The following PTPRQ variants were observed in gnomAD, a reference collection of about 807,000 sequenced individuals.
PTPRQ encodes the protein phosphatidylinositol phosphatase PTPRQ.
PTPRQ carries 199 observed loss-of-function variants against 246.0 expected under a neutral mutation model. The ratio of observed to expected loss-of-function variants is 0.81; its 90% CI spans 0.72 to 0.91. The LOEUF is 0.91. Ranked by LOEUF, PTPRQ falls within the 40% of genes least tolerant of loss-of-function variation. The pLI is 0.00. For synonymous variants in PTPRQ, 869 were observed against 853.2 expected, an observed-to-expected ratio of 1.02 and a Z score of -0.32; for missense variants, 2,624 against 2,528.4, an observed-to-expected ratio of 1.04 and a Z score of -0.81.
At chr12:80,532,352 G>T (rs1895869070) in intron 17 of PTPRQ, among the ~76,000 whole-genome samples, 1 of 151,892 alleles carries the variant, frequency 6.6e-6, no homozygotes, top group African/African-American at 2.4e-5. Flanking sequence ...CCTCCTGAAA[G>T]CTGGGACCAC....
At chr12:80,585,883 C>T (rs1256756829) in intron 25 of PTPRQ, among the ~76,000 whole-genome samples, 4 of 111,328 alleles carry the variant, frequency 3.6e-5, no homozygotes. Context: ...TCCCTCCCCC[C>T]TCCCCCCACC....
intron 35 of PTPRQ, among the ~76,000 whole-genome samples, chr12:80,637,421 T>G (rs956067097): frequency 1.3e-5 from 2 of 152,248 alleles, no homozygotes; most frequent in Non-Finnish European, 2.9e-5. Context: ...TTTCAGATAA[T>G]TTTTATTTTG....
rs1016026685 is a variant in PTPRQ, at chr12:80,495,004, C to G, written c.1612C>G (p.Pro538Ala). 1.2e-5 allele frequency: 19 copies of G among 1,550,400 alleles called. No homozygotes were observed. Among genetic ancestry groups the G allele is most frequent in the South Asian group, 2.4e-5 (2 of 84,034 alleles). Residue 538 changes from proline to alanine, a missense_variant, in exon 11 of 45, where the codon CCT becomes GCT. Transcript: ENST00000644991. ...QLSYVIRRLV[P>A]FTEHMISVSA... ...GTCTTATGTTATCAGGAGACTTGTA[C>G]CTTTCACTGAGCACATGATTAGTGT...
intron 25 of PTPRQ, among the ~76,000 whole-genome samples, chr12:80,573,847 A>G (rs909861676): frequency 6.6e-6 from 1 of 152,038 alleles, no homozygotes; most frequent in African/African-American, 2.4e-5. Flanking sequence ...CATTACATCG[A>G]TTTCTGATCA....
In PTPRQ at chr12:80,533,905, T is replaced by C; in HGVS notation, c.2679-110T>C. The C allele has an allele frequency of 3.9e-6, 3 of 771,464 alleles. No homozygotes were observed. In the South Asian group the frequency reaches 1.3e-4, roughly 35 times the overall value. 47.8% of individuals were successfully genotyped at this position (771,464 alleles called of 1,614,324 possible). ...AACCAACATCTTTTTTCTATTAATC[T>C]AGAATAAATTTCCATATATTAATGT... is the stretch of plus-strand genomic sequence containing the variant. On this transcript the variant is annotated intron_variant, in intron 17 of 44. Transcript: ENST00000644991.
At chr12:80,535,069 T>G (rs1182647974) in intron 19 of PTPRQ, 32 bp downstream of exon 19, 14 of 1,470,584 alleles carry the variant, frequency 9.5e-6, no homozygotes, top group Admixed American at 3.0e-5. Flanking sequence ...AGTTCTTTAT[T>G]AACATCCTTA....
chr12:80,459,889 C>T (rs1893098854), intron 5 of PTPRQ, among the ~76,000 whole-genome samples: 1 of 151,950 alleles, frequency 6.6e-6, no homozygotes, highest in African/African-American at 2.4e-5. Flanking sequence ...TATTTTACTT[C>T]CATATGACAG....
At chr12:80,477,825 C>A (rs1406118758) in intron 8 of PTPRQ, among the ~76,000 whole-genome samples, 1 of 152,178 alleles carries the variant, frequency 6.6e-6, no homozygotes, top group African/African-American at 2.4e-5. Context: ...TTCTGACGGG[C>A]TTAAAAAACG....
intron 39 of PTPRQ, among the ~76,000 whole-genome samples, chr12:80,664,657 T>A (rs1157999908): frequency 6.6e-6 from 1 of 152,060 alleles, no homozygotes; most frequent in Non-Finnish European, 1.5e-5. Context: ...CAACACTTAC[T>A]ATCTTCAATT....
intron 25 of PTPRQ, among the ~76,000 whole-genome samples, chr12:80,558,148 CTTTTCTT>C: frequency 9.5e-6 from 1 of 105,764 alleles, no homozygotes; most frequent in Non-Finnish European, 1.8e-5. Flanking sequence ...CTTTTCTTTT[CTTTTCTT>C]TTCTTTTCTT....
chr12:80,560,715 A>T (rs1896797910), intron 25 of PTPRQ, among the ~76,000 whole-genome samples: 1 of 152,192 alleles, frequency 6.6e-6, no homozygotes, highest in Admixed American at 6.5e-5. Flanking sequence ...GAAACTGTTC[A>T]TTTGTTGACA....
intron 36 of PTPRQ, 91 bp downstream of exon 36, chr12:80,649,014 G>C (rs1900168075): frequency 1.6e-6 from 2 of 1,269,678 alleles, no homozygotes; most frequent in Non-Finnish European, 2.1e-6. Context: ...TTCACTTTTT[G>C]TATGTTTGTT....
rs183711927 is a variant in PTPRQ at position 80,628,254 on chromosome 12, T to G, written c.5687-3938T>G. Reference sequence around the variant, plus strand: ...GTGATACATGCTGCTTTCTCATTTTTTAAATTTAGCAGGAGATTCTAGCAG... The same window carrying G: ...GTGATACATGCTGCTTTCTCATTTTGTAAATTTAGCAGGAGATTCTAGCAG... On this transcript the variant is annotated intron_variant, in intron 33 of 44. Transcript: ENST00000644991. Among the ~76,000 whole-genome samples, 242 of 152,244 alleles carry G rather than the reference T, an allele frequency of 1.6e-3. 1 individual carries two copies. The highest frequency in any genetic ancestry group is 5.6e-3 in the African/African-American group (233 of 41,558).
chr12:80,514,583 T>TTATATAATA (rs1491555484), intron 17 of PTPRQ, among the ~76,000 whole-genome samples: 2 of 141,186 alleles, frequency 1.4e-5, no homozygotes, highest in African/African-American at 5.2e-5. Context: ...AATATATATA[T>TTATATAATA]TATATAATAT....
Position 80,549,542 on chromosome 12 carries a change from AAG to A in PTPRQ, c.4094_4095del (p.Lys1365SerfsTer13). 6.4e-7 allele frequency: 1 copy of A among 1,551,184 alleles called. No homozygotes were observed. The highest frequency in any genetic ancestry group is 8.7e-7 in the Non-Finnish European group (1 of 1,146,566). ...SVLVKWDPPKKANGIITQYMV... is the reference protein window; with the variant it reads ...SVLVKWDPPKXANGIITQYMV... Reference sequence around the variant, plus strand: ...TTTAGTGAAATGGGATCCACCCAAAAAGGCAAATGGAATAATAACGCAGTATA... The same window carrying A: ...TTTAGTGAAATGGGATCCACCCAAAAGCAAATGGAATAATAACGCAGTATA... On this transcript the variant is annotated frameshift_variant, in exon 25 of 45. Coordinates refer to ENST00000644991, the MANE Select transcript of PTPRQ (RefSeq NM_001145026.2). LOFTEE classifies it high-confidence loss of function.
rs976146687 is a variant in PTPRQ at position 80,620,377 on chromosome 12, G to T, written c.5612+1G>T. ...CACTGAAACCAAAAAAGCAATACTT[G>T]TAAGTATAGGTTATATCTACCATGC... On this transcript the variant is annotated splice_donor_variant, in intron 32 of 44. Coordinates refer to ENST00000644991, the MANE Select transcript of PTPRQ (RefSeq NM_001145026.2). LOFTEE classifies it high-confidence loss of function. 6.5e-7 allele frequency: 1 copy of T among 1,548,646 alleles called. No homozygotes were observed. The highest frequency in any genetic ancestry group is 1.4e-5 in the African/African-American group (1 of 72,906).
chr12:80,523,138 G>A (rs1197591239), intron 17 of PTPRQ, among the ~76,000 whole-genome samples: 14 of 151,952 alleles, frequency 9.2e-5, no homozygotes, highest in African/African-American at 3.4e-4. Flanking sequence ...TAGATTTTCT[G>A]GTTTATTTGC....
rs1287120526 is a variant in PTPRQ at position 80,678,657 on chromosome 12, G to A, written c.6794G>A (p.Ser2265Asn). ...CTGGATCTCTTATCAAATAAGGGAAGTAATCAGCCCATCTGTTTTGTTAAC... is the reference window on the plus strand; with the variant it reads ...CTGGATCTCTTATCAAATAAGGGAAATAATCAGCCCATCTGTTTTGTTAAC... ...CILDLLSNKG[S>N]NQPICFVNYS... Residue 2265 changes from serine to asparagine, a missense_variant, in exon 44 of 45, where the codon AGT becomes AAT. Physicochemically the swap from Ser to Asn is conservative, Grantham distance 46. Transcript: ENST00000644991. 15 of 1,550,342 alleles carry A rather than the reference G, an allele frequency of 9.7e-6. No homozygotes were observed. The highest frequency in any genetic ancestry group is 1.1e-5 in the Non-Finnish European group (13 of 1,146,236).
intron 7 of PTPRQ, among the ~76,000 whole-genome samples, chr12:80,469,594 TAC>T (rs141826413): frequency 0.091 from 13,923 of 152,194 alleles, 1,306 homozygotes; most frequent in African/African-American, 0.23. Flanking sequence ...TCAAAAAAGA[TAC>T]AGAGTTCCAA....
Sources: gnomAD v4.1 joint callset for allele counts (sites outside exome capture counted in the v4.1 genomes callset) on GRCh38, gnomAD v4.1.1 for gene constraint, MANE v1.5 for transcripts, NCBI Gene and HGNC (gene_info 2026-07-23, HGNC 2026-07-21) for gene names.